MARCHF1: variants seen among roughly 807,000 people sequenced by gnomAD.
MARCHF1 encodes E3 ubiquitin-protein ligase MARCHF1.
A neutral mutation model predicts 54.2 loss-of-function variants in MARCHF1; 40 were observed. That is an observed-to-expected ratio of 0.74 (90% CI 0.57 to 0.96). The LOEUF is 0.96. Among genes scored for constraint, MARCHF1 ranks in the 40% least tolerant of loss-of-function variants. MARCHF1 has a pLI of 0.00. For missense variants in MARCHF1, 586 were observed against 656.5 expected (o/e 0.89, Z 1.17); for synonymous variants, 236 against 236.3 (o/e 1.00, Z 0.01).
At chr4:163,585,546 G>A (rs1324632248) in intron 8 of MARCHF1, 2 of 400,414 alleles carry the variant, frequency 5.0e-6, no homozygotes, top group Admixed American at 4.1e-5. Flanking sequence ...TCAATCAGAA[G>A]CTCTAGAATA....
chr4:163,643,707 G>T (rs1742647958), intron 5 of MARCHF1, among the ~76,000 whole-genome samples: 1 of 152,070 alleles, frequency 6.6e-6, no homozygotes, highest in South Asian at 2.1e-4. Flanking sequence ...TTTCCTAGGG[G>T]ATGTTTTGAA....
chr4:163,750,336 C>T (rs1460211774), intron 4 of MARCHF1, among the ~76,000 whole-genome samples: 1 of 151,620 alleles, frequency 6.6e-6, no homozygotes, highest in Non-Finnish European at 1.5e-5. Flanking sequence ...ACGGTGAAAC[C>T]CCATCTCTAA....
chr4:163,814,342 G>A (rs768082169), intron 4 of MARCHF1, among the ~76,000 whole-genome samples: 35 of 151,996 alleles, frequency 2.3e-4, no homozygotes, highest in Non-Finnish European at 5.0e-4. Flanking sequence ...CTTTGACTCC[G>A]CCCGACTTCA....
chr4:163,579,665 A>T (rs1271508416), intron 8 of MARCHF1, among the ~76,000 whole-genome samples: 1 of 117,296 alleles, frequency 8.5e-6, no homozygotes, highest in Non-Finnish European at 1.8e-5. Flanking sequence ...GGCTTCACAT[A>T]ATAATAGAAC....
rs371189031 is a variant in MARCHF1 at position 163,527,864 on chromosome 4, A to G, written c.*884T>C. ...TATATTGATGACATGTTGAAATAAC[A>G]TATAGTGTTTTTAAAAAATCAAAAT... On this transcript the variant is annotated 3_prime_UTR_variant, in exon 10 of 10. Transcript: ENST00000514618. The G allele has an allele frequency of 3.3e-5, 5 of 152,086 alleles. No individual in the cohort carries two copies. Among genetic ancestry groups the G allele is most frequent in the African/African-American group, 1.2e-4 (5 of 41,434 alleles). 9.4% of individuals were successfully genotyped at this position (152,086 alleles called of 1,614,324 possible).
At chr4:164,015,367 G>T (rs1753514416) in intron 2 of MARCHF1, among the ~76,000 whole-genome samples, 1 of 152,056 alleles carries the variant, frequency 6.6e-6, no homozygotes, top group South Asian at 2.1e-4. Context: ...GAAAACACTA[G>T]GGTAACACTC....
chr4:163,709,085 A>T (rs934176553), intron 4 of MARCHF1, among the ~76,000 whole-genome samples: 2 of 152,172 alleles, frequency 1.3e-5, no homozygotes, highest in Non-Finnish European at 2.9e-5. Context: ...AAAAACAAAC[A>T]GAACTCCTAT....
intron 1 of MARCHF1, among the ~76,000 whole-genome samples, chr4:164,347,578 A>G (rs1015704233): frequency 3.3e-5 from 5 of 152,178 alleles, no homozygotes; most frequent in Non-Finnish European, 5.9e-5. Flanking sequence ...AAAGTGGGCT[A>G]ATTATTTAGT....
intron 4 of MARCHF1, among the ~76,000 whole-genome samples, chr4:163,827,691 G>T (rs1748892800): frequency 6.6e-6 from 1 of 151,986 alleles, no homozygotes; most frequent in Admixed American, 6.6e-5. Context: ...GTTAATCCTA[G>T]ATATACTCCA....
chr4:163,920,032 TA>T (rs1157033269), intron 3 of MARCHF1, among the ~76,000 whole-genome samples: 1 of 152,182 alleles, frequency 6.6e-6, no homozygotes, highest in Admixed American at 6.6e-5. Flanking sequence ...AGATATGTAA[TA>T]TTTCCTGGGT....
At chr4:163,719,455 A>C (rs927556970) in intron 4 of MARCHF1, among the ~76,000 whole-genome samples, 2 of 152,082 alleles carry the variant, frequency 1.3e-5, no homozygotes, top group African/African-American at 4.8e-5. Flanking sequence ...GTTGGTTCCA[A>C]GTCTTTGCTA....
At chr4:163,674,369 A>G (rs1003568329) in intron 5 of MARCHF1, among the ~76,000 whole-genome samples, 5 of 152,320 alleles carry the variant, frequency 3.3e-5, no homozygotes, top group Admixed American at 3.3e-4. Flanking sequence ...TGGGCTGAGA[A>G]GTTGATGAAG....
chr4:164,149,893 T>C (rs768995524), intron 1 of MARCHF1, among the ~76,000 whole-genome samples: 3 of 152,208 alleles, frequency 2.0e-5, no homozygotes, highest in Non-Finnish European at 4.4e-5. Flanking sequence ...ATGACATTTA[T>C]TGCAGCCATT....
At chr4:164,372,868 C>A (rs938505112) in intron 1 of MARCHF1, among the ~76,000 whole-genome samples, 4 of 151,992 alleles carry the variant, frequency 2.6e-5, no homozygotes, top group African/African-American at 9.7e-5. Flanking sequence ...ATTCATTAAT[C>A]AATTCATTTA....
intron 5 of MARCHF1, among the ~76,000 whole-genome samples, chr4:163,682,670 G>T (rs539773262): frequency 6.6e-6 from 1 of 152,266 alleles, no homozygotes; most frequent in South Asian, 2.1e-4. Context: ...TCATGGGGGT[G>T]GTTACCCCCA....
chr4:164,132,922 C>T (rs1250915894), intron 1 of MARCHF1, among the ~76,000 whole-genome samples: 1 of 152,064 alleles, frequency 6.6e-6, no homozygotes, highest in Admixed American at 6.6e-5. Context: ...TTCATGCTCA[C>T]TGTGTCATAA....
At chr4:163,982,372 T>C (rs1400588600) in intron 3 of MARCHF1, among the ~76,000 whole-genome samples, 3 of 152,228 alleles carry the variant, frequency 2.0e-5, no homozygotes, top group African/African-American at 7.2e-5. Flanking sequence ...ACCTGTATGC[T>C]CTGGGTAAAT....
intron 1 of MARCHF1, among the ~76,000 whole-genome samples, chr4:164,185,633 A>T (rs143089248): frequency 6.6e-5 from 10 of 152,150 alleles, no homozygotes; most frequent in African/African-American, 2.4e-4. Context: ...CTATTAACTC[A>T]AATATTTGCT....
At chr4:164,021,291 C>A (rs1753658260) in intron 2 of MARCHF1, among the ~76,000 whole-genome samples, 1 of 152,132 alleles carries the variant, frequency 6.6e-6, no homozygotes, top group Non-Finnish European at 1.5e-5. Flanking sequence ...CAGCATCTCT[C>A]TTCCAGGATT....
Sources: allele counts gnomAD v4.1 joint callset (sites outside exome capture counted in the v4.1 genomes callset), GRCh38; gene constraint gnomAD v4.1.1; transcripts MANE v1.5; gene names NCBI Gene and HGNC (gene_info 2026-07-23, HGNC 2026-07-21).